Variants in CLEC19A observed in about 807,000 individuals in gnomAD.
The protein encoded by CLEC19A is C-type lectin domain containing 19A.
In CLEC19A, 21 loss-of-function variants were observed where a neutral mutation model predicts 26.1. That is an observed-to-expected ratio of 0.80 (90% confidence interval 0.57 to 1.16). The LOEUF (loss-of-function observed/expected upper bound fraction) is 1.16, where lower values mean the gene tolerates loss of function less well. CLEC19A is among the 50% of genes most tolerant of loss of function. CLEC19A has a pLI of 0.00. For synonymous variants in CLEC19A, 89 were observed against 88.6 expected, an observed-to-expected ratio of 1.00 and a Z score of -0.03; for missense variants, 224 against 227.6, an observed-to-expected ratio of 0.98 and a Z score of 0.10.
intron 3 of CLEC19A, 155 bp downstream of exon 3, chr16:19,304,310 A>T: frequency 1.6e-6 from 1 of 615,780 alleles, no homozygotes; most frequent in Non-Finnish European, 2.9e-6. Flanking sequence ...AGCATGACCA[A>T]TTTGTGAAAG....
At chr16:19,300,456 G>A (rs1465015851) in intron 2 of CLEC19A, among the ~76,000 whole-genome samples, 2 of 151,722 alleles carry the variant, frequency 1.3e-5, no homozygotes, top group African/African-American at 4.8e-5. Flanking sequence ...GCTAAGGTGG[G>A]AGGATCACTT....
chr16:19,297,970 G>A (rs774806223), intron 1 of CLEC19A, among the ~76,000 whole-genome samples: 10 of 152,218 alleles, frequency 6.6e-5, no homozygotes, highest in Admixed American at 5.2e-4. Flanking sequence ...ACAGGTGGCC[G>A]GGTGCGGTGG....
At chr16:19,294,321 G>A (rs960513978) in intron 1 of CLEC19A, among the ~76,000 whole-genome samples, 2 of 152,138 alleles carry the variant, frequency 1.3e-5, no homozygotes, top group South Asian at 2.1e-4. Flanking sequence ...AGTGAGGGGG[G>A]GTGCCCAGGG....
Position 19,309,078 on chromosome 16 carries a change from C to G in CLEC19A, c.556C>G (p.His186Asp), listed in dbSNP as rs886774299. The G allele has an allele frequency of 6.5e-7, 1 of 1,547,830 alleles. No individual in the cohort carries two copies. Among genetic ancestry groups the G allele is most frequent in the Non-Finnish European group, 8.7e-7 (1 of 1,146,414 alleles). ...FVCKIPSLTI[H>D] Reference sequence around the variant, plus strand: ...CTGCAAAATCCCATCTCTGACCATTCATTGATCCTGTCTTGTCCTACTGGT... The same window carrying G: ...CTGCAAAATCCCATCTCTGACCATTGATTGATCCTGTCTTGTCCTACTGGT... The change falls in exon 5 of 5, where the codon CAT becomes GAT. Residue 186 changes from histidine (H) to aspartate (D), a missense_variant. Transcript: ENST00000636231.
chr16:19,295,489 C>T (rs1897688444), intron 1 of CLEC19A, among the ~76,000 whole-genome samples: 1 of 152,132 alleles, frequency 6.6e-6, no homozygotes, highest in Admixed American at 6.5e-5. Flanking sequence ...AGGCGTGAGC[C>T]ACCACACCCA....
intron 1 of CLEC19A, among the ~76,000 whole-genome samples, chr16:19,297,310 TG>T (rs780164435): frequency 2.0e-5 from 3 of 152,190 alleles, no homozygotes; most frequent in Non-Finnish European, 4.4e-5. Context: ...CATTGCAAAT[TG>T]AAACAAGATA....
chr16:19,289,522 C>T (rs1897538011), intron 1 of CLEC19A, among the ~76,000 whole-genome samples: 1 of 152,178 alleles, frequency 6.6e-6, no homozygotes, highest in Non-Finnish European at 1.5e-5. Context: ...TCAATAGAGT[C>T]TCAATCATTG....
chr16:19,288,882 G>A (rs1897525449), intron 1 of CLEC19A, among the ~76,000 whole-genome samples: 1 of 152,176 alleles, frequency 6.6e-6, no homozygotes, highest in Non-Finnish European at 1.5e-5. Context: ...AGGGGAATAA[G>A]TCAGGTTATG....
chr16:19,300,631 A>G (rs542038369), intron 2 of CLEC19A, among the ~76,000 whole-genome samples: 1 of 152,192 alleles, frequency 6.6e-6, no homozygotes, highest in East Asian at 1.9e-4. Context: ...CCTCCAACAG[A>G]TGTATTGAAC....
chr16:19,291,846 G>A (rs967661397), intron 1 of CLEC19A, among the ~76,000 whole-genome samples: 1 of 152,162 alleles, frequency 6.6e-6, no homozygotes, highest in Non-Finnish European at 1.5e-5. Flanking sequence ...TGTTGGAAAG[G>A]GGAGTAATTG....
At chr16:19,306,355 C>T (rs565487403) in intron 3 of CLEC19A, among the ~76,000 whole-genome samples, 1 of 151,834 alleles carries the variant, frequency 6.6e-6, no homozygotes, top group East Asian at 1.9e-4. Context: ...CTATGTTGCC[C>T]AGGATTGTCT....
intron 3 of CLEC19A, 199 bp downstream of exon 3, chr16:19,304,354 A>G (rs1897903664): frequency 4.1e-6 from 2 of 484,852 alleles, no homozygotes; most frequent in Non-Finnish European, 3.7e-6. Flanking sequence ...TGATGGGAAC[A>G]GATAGCATGG....
At chr16:19,287,039 TG>T (rs373526250) in intron 1 of CLEC19A, among the ~76,000 whole-genome samples, 2,306 of 86,508 alleles carry the variant, frequency 0.027, 62 homozygotes, top group African/African-American at 0.09. Context: ...TTTTTTTTTT[TG>T]TTAATCTAGC....
In CLEC19A at chr16:19,308,584, C is replaced by T. The variant is rs568303870; in HGVS notation, c.482-420C>T. On this transcript the variant is annotated intron_variant, in intron 4 of 4. Transcript: ENST00000636231. ...GAAAACGAGGCTCAGAGAAGTTCAG[C>T]AACTTGTTCAAGGTCACACAGCAAG... Among the ~76,000 whole-genome samples the T allele has an allele frequency of 2.5e-4, 38 of 152,334 alleles. 1 individual carries two copies. Among genetic ancestry groups the T allele is most frequent in the African/African-American group, 6.0e-4 (25 of 41,578 alleles).
At chr16:19,304,358 A>G in intron 3 of CLEC19A, 2 of 442,932 alleles carry the variant, frequency 4.5e-6, no homozygotes, top group Non-Finnish European at 8.2e-6. Context: ...GGGAACAGAT[A>G]GCATGGTCAG....
rs1898018269 is a variant in CLEC19A at position 19,309,235 on chromosome 16, T to G, written c.*152T>G. The G allele has an allele frequency of 1.8e-6, 1 of 563,482 alleles. No individual in the cohort carries two copies. The highest frequency in any genetic ancestry group is 3.0e-6 in the Non-Finnish European group (1 of 332,370). The allele number at this position is 563,482 out of a possible 1,614,324, so 34.9% of individuals were successfully genotyped here. A position where few individuals can be genotyped will look rare whatever the true frequency, so the allele number is the denominator to read the frequency against. ...ACAAGCAGATCTTAATTATACAGGG[T>G]GGTCACTTGGCCAAGTGTCAGGAAA... On this transcript the variant is annotated 3_prime_UTR_variant, in exon 5 of 5. Coordinates refer to ENST00000636231, the MANE Select transcript of CLEC19A (RefSeq NM_001256720.2).
In CLEC19A at chr16:19,304,111, G is replaced by A. The variant is rs911262788; in HGVS notation, c.304G>A (p.Gly102Ser). ...TGACCTCGTGAACAGCTGTGTTCCCGGCATCCCAGCTGACGTCTGGACAGG... is the reference window on the plus strand; with the variant it reads ...TGACCTCGTGAACAGCTGTGTTCCCAGCATCCCAGCTGACGTCTGGACAGG... ...VYDLVNSCVP[G>S]IPADVWTGLH... is the part of the protein sequence containing the mutation. Residue 102 changes from glycine to serine, a missense_variant, in exon 3 of 5, where the codon GGC (glycine) becomes AGC (serine). By Grantham distance (56) the Gly-to-Ser change is moderately conservative. Coordinates refer to ENST00000636231, the MANE Select transcript of CLEC19A (RefSeq NM_001256720.2). 9.0e-6 allele frequency: 14 copies of A among 1,550,424 alleles called. No individual in the cohort carries two copies. Among genetic ancestry groups the A allele is most frequent in the South Asian group, 8.3e-5 (7 of 84,062 alleles).
At chr16:19,306,221 C>T (rs1207684726) in intron 3 of CLEC19A, among the ~76,000 whole-genome samples, 1 of 151,580 alleles carries the variant, frequency 6.6e-6, no homozygotes, top group East Asian at 1.9e-4. Flanking sequence ...TCACAGCTCA[C>T]CGCAACCTTG....
intron 3 of CLEC19A, 77 bp from the exon 4 acceptor site, chr16:19,307,468 A>T: frequency 6.6e-7 from 1 of 1,516,798 alleles, no homozygotes; most frequent in South Asian, 1.2e-5. Context: ...AAGACGTCTG[A>T]GCTGGAGCTG....
Sources: gnomAD v4.1 joint callset for allele counts (sites outside exome capture counted in the v4.1 genomes callset) on GRCh38, gnomAD v4.1.1 for gene constraint, MANE v1.5 for transcripts, NCBI Gene and HGNC (gene_info 2026-07-23, HGNC 2026-07-21) for gene names.